The following EPHA6 variants were observed in gnomAD, a reference collection of about 807,000 sequenced individuals.
The protein encoded by EPHA6 is EPH receptor A6, also known as ephrin type-A receptor 6.
Under a neutral mutation model 112.0 loss-of-function variants are expected in EPHA6, and 50 were observed. The observed-to-expected ratio is 0.45, with a 90% CI of 0.36 to 0.56. The LOEUF is 0.56. EPHA6 is among the 20% of genes least tolerant of loss of function. The pLI is 0.00. For missense variants in EPHA6, 1,280 were observed against 1,417.4 expected (o/e 0.90, Z 1.56); for synonymous variants, 529 against 490.7 (o/e 1.08, Z -1.03).
At chr3:96,982,639 A>G (rs1018500015) in intron 2 of EPHA6, among the ~76,000 whole-genome samples, 1 of 152,030 alleles carries the variant, frequency 6.6e-6, no homozygotes, top group Non-Finnish European at 1.5e-5. Flanking sequence ...TGATCTGTCT[A>G]ATGTTGACAG....
intron 5 of EPHA6, among the ~76,000 whole-genome samples, chr3:97,288,173 A>T (rs1341612068): frequency 6.6e-6 from 1 of 152,158 alleles, no homozygotes; most frequent in Non-Finnish European, 1.5e-5. Context: ...GGTACAAATG[A>T]TTCCTTCACC....
chr3:97,011,180 C>A (rs2044072226), intron 3 of EPHA6, among the ~76,000 whole-genome samples: 1 of 152,148 alleles, frequency 6.6e-6, no homozygotes, highest in Non-Finnish European at 1.5e-5. Context: ...ATCTTAAATT[C>A]TCAGTCTGTA....
intron 6 of EPHA6, among the ~76,000 whole-genome samples, chr3:97,408,871 T>A (rs1204901534): frequency 6.6e-6 from 1 of 152,074 alleles, no homozygotes; most frequent in Non-Finnish European, 1.5e-5. Context: ...ACTCTAACAG[T>A]TATATTTACC....
At chr3:96,884,989 T>C (rs1255887086) in intron 2 of EPHA6, among the ~76,000 whole-genome samples, 1 of 152,190 alleles carries the variant, frequency 6.6e-6, no homozygotes, top group African/African-American at 2.4e-5. Context: ...GATCATGCGA[T>C]TTTTGTTTTT....
intron 3 of EPHA6, 62 bp from the exon 4 acceptor site, chr3:97,226,202 A>G (rs538985202): frequency 7.2e-7 from 1 of 1,381,236 alleles, no homozygotes; most frequent in African/African-American, 1.4e-5. Context: ...TATGTTGTAC[A>G]TGTACAAATA....
rs569217877 is a variant in EPHA6, at chr3:97,127,844, A to G, written c.1115-98420A>G. Among the ~76,000 whole-genome samples the G allele has an allele frequency of 7.9e-5, 12 of 152,154 alleles. No homozygotes were observed. In the South Asian group the frequency reaches 2.5e-3, roughly 32 times the overall value. ...GGACCATTCTATGGTGATCTGGATG[A>G]AAGCTGTGAAATTCAATATTCTTTA... On this transcript the variant is annotated intron_variant, in intron 3 of 17. Coordinates refer to ENST00000389672, the MANE Select transcript of EPHA6 (RefSeq NM_001080448.3).
chr3:96,983,700 T>C (rs896259034), intron 2 of EPHA6, among the ~76,000 whole-genome samples: 2 of 152,214 alleles, frequency 1.3e-5, no homozygotes, highest in Non-Finnish European at 2.9e-5. Flanking sequence ...CAATCAGATG[T>C]AGATTTTGTC....
chr3:97,318,355 A>G (rs1289881295), intron 5 of EPHA6, among the ~76,000 whole-genome samples: 1 of 152,000 alleles, frequency 6.6e-6, no homozygotes, highest in Admixed American at 6.6e-5. Flanking sequence ...AGATCCAGCT[A>G]AATATTCTCC....
intron 3 of EPHA6, among the ~76,000 whole-genome samples, chr3:97,055,473 A>G (rs2045822835): frequency 6.6e-6 from 1 of 152,176 alleles, no homozygotes; most frequent in Non-Finnish European, 1.5e-5. Flanking sequence ...TGCCTGGGTC[A>G]TTAATTTTTA....
intron 14 of EPHA6, among the ~76,000 whole-genome samples, chr3:97,671,541 A>G (rs1422210210): frequency 2.0e-5 from 3 of 152,198 alleles, no homozygotes; most frequent in Non-Finnish European, 4.4e-5. Context: ...GAGCATATTC[A>G]ATTAGATTAT....
intron 3 of EPHA6, among the ~76,000 whole-genome samples, chr3:97,132,270 G>A (rs759827144): frequency 1.3e-5 from 2 of 152,058 alleles, no homozygotes; most frequent in Non-Finnish European, 2.9e-5. Flanking sequence ...ACTGTTTCAA[G>A]GTCTTGTAGA....
At chr3:97,573,764 T>C (rs1204785302) in intron 11 of EPHA6, among the ~76,000 whole-genome samples, 1 of 152,114 alleles carries the variant, frequency 6.6e-6, no homozygotes, top group African/African-American at 2.4e-5. Context: ...AAAATAGGTC[T>C]CTTCATTTAT....
chr3:96,984,582 T>A (rs886842057), intron 2 of EPHA6, among the ~76,000 whole-genome samples: 6 of 152,190 alleles, frequency 3.9e-5, no homozygotes, highest in African/African-American at 1.4e-4. Context: ...TTCAAAGCTG[T>A]CAGACAGGGA....
At chr3:97,015,593 TTAAAA>T (rs1280889994) in intron 3 of EPHA6, among the ~76,000 whole-genome samples, 9 of 152,200 alleles carry the variant, frequency 5.9e-5, no homozygotes, top group East Asian at 1.9e-4. Flanking sequence ...ACATGATTAC[TTAAAA>T]TAAATTATGT....
At chr3:97,261,298 A>G (rs1167509880) in intron 5 of EPHA6, among the ~76,000 whole-genome samples, 1 of 152,190 alleles carries the variant, frequency 6.6e-6, no homozygotes, top group Non-Finnish European at 1.5e-5. Context: ...GATTCATTAG[A>G]ATCTTGGTAC....
intron 2 of EPHA6, among the ~76,000 whole-genome samples, chr3:96,888,749 A>G (rs1051920845): frequency 1.3e-5 from 2 of 152,118 alleles, no homozygotes; most frequent in Non-Finnish European, 2.9e-5. Context: ...GACCCCTGAC[A>G]TGGTCTGGAG....
intron 3 of EPHA6, among the ~76,000 whole-genome samples, chr3:97,210,226 T>G (rs967949275): frequency 2.0e-5 from 3 of 152,144 alleles, no homozygotes; most frequent in African/African-American, 7.2e-5. Context: ...AATGTTTAAT[T>G]GACTCCCAGT....
chr3:97,462,816 T>C lies in EPHA6; in HGVS notation c.1895-12536T>C, dbSNP rs138673149. On this transcript the variant is annotated intron_variant, in intron 7 of 17. Transcript: ENST00000389672. ...AAGGCTACTCCATTCTTTTCTAACTTATTCCAAGTTATCTGACAGACAAAC... is the reference window on the plus strand; with the variant it reads ...AAGGCTACTCCATTCTTTTCTAACTCATTCCAAGTTATCTGACAGACAAAC... Among the ~76,000 whole-genome samples, 729 of 152,298 alleles carry C rather than the reference T, an allele frequency of 4.8e-3. 7 individuals are homozygous for C. Among genetic ancestry groups the C allele is most frequent in the African/African-American group, 0.017 (702 of 41,580 alleles).
intron 14 of EPHA6, among the ~76,000 whole-genome samples, chr3:97,716,284 A>ACCCAGGTGCTTCTG (rs1553676285): frequency 6.8e-6 from 1 of 147,888 alleles, no homozygotes; most frequent in African/African-American, 2.7e-5. Flanking sequence ...AAAAGAAAAG[A>ACCCAGGTGCTTCTG]TGGGCCGGGC....
Sources: gnomAD v4.1 joint callset for allele counts (sites outside exome capture counted in the v4.1 genomes callset) on GRCh38, gnomAD v4.1.1 for gene constraint, MANE v1.5 for transcripts, NCBI Gene and HGNC (gene_info 2026-07-23, HGNC 2026-07-21) for gene names.